GALNT17: variants seen among roughly 807,000 people sequenced by gnomAD.
GALNT17 encodes the protein polypeptide N-acetylgalactosaminyltransferase 17, also known as UDP-GalNAc:polypeptide N-acetylgalactosaminyltransferase-like 3.
In GALNT17, 29 loss-of-function variants were observed where a neutral mutation model predicts 63.7. That is an observed-to-expected ratio of 0.46 (90% CI 0.34 to 0.62). The LOEUF is 0.62. GALNT17 is among the 20% of genes least tolerant of loss of function. The pLI, the probability that GALNT17 is intolerant of heterozygous loss-of-function variation, is 0.01. For synonymous variants in GALNT17, 305 were observed against 318.3 expected (o/e 0.96, Z 0.45); for missense variants, 603 against 799.6 (o/e 0.75, Z 2.97).
intron 1 of GALNT17, among the ~76,000 whole-genome samples, chr7:71,220,747 C>T (rs1789568223): frequency 6.6e-6 from 1 of 152,026 alleles, no homozygotes; most frequent in Admixed American, 6.6e-5. Flanking sequence ...GGGGGAAGAC[C>T]ATGTGAAGAC....
chr7:71,557,767 G>T (rs1322967728), intron 5 of GALNT17, among the ~76,000 whole-genome samples: 3 of 151,758 alleles, frequency 2.0e-5, no homozygotes, highest in Admixed American at 6.6e-5. Context: ...CTCCAGCCTG[G>T]GTGACAGAAT....
intron 5 of GALNT17, among the ~76,000 whole-genome samples, chr7:71,437,572 C>G (rs984628265): frequency 1.3e-5 from 2 of 152,154 alleles, no homozygotes; most frequent in African/African-American, 4.8e-5. Context: ...CTGACTGCTG[C>G]CTTCCCACAG....
At chr7:71,522,327 C>G (rs563927265) in intron 5 of GALNT17, among the ~76,000 whole-genome samples, 6 of 152,242 alleles carry the variant, frequency 3.9e-5, no homozygotes, top group African/African-American at 1.4e-4. Flanking sequence ...TGTATTAGTT[C>G]ATTTTAATGC....
chr7:71,318,772 A>G (rs1365807665), intron 1 of GALNT17, among the ~76,000 whole-genome samples: 1 of 152,040 alleles, frequency 6.6e-6, no homozygotes, highest in Non-Finnish European at 1.5e-5. Context: ...CAACCTTAGG[A>G]CCTCTTAGGA....
chr7:71,558,308 T>C (rs1161127463), intron 5 of GALNT17, among the ~76,000 whole-genome samples: 1 of 152,114 alleles, frequency 6.6e-6, no homozygotes, highest in Non-Finnish European at 1.5e-5. Flanking sequence ...GTAACATTAA[T>C]GAGTCTAGGT....
At chr7:71,293,666 A>G (rs1791024285) in intron 1 of GALNT17, among the ~76,000 whole-genome samples, 1 of 152,118 alleles carries the variant, frequency 6.6e-6, no homozygotes, top group African/African-American at 2.4e-5. Context: ...TCTGAGGAGG[A>G]CTTAATCTCC....
intron 1 of GALNT17, among the ~76,000 whole-genome samples, chr7:71,211,820 C>T (rs2116393892): frequency 6.6e-6 from 1 of 152,250 alleles, no homozygotes; most frequent in East Asian, 1.9e-4. Context: ...GAACTTTGAA[C>T]TTGAGAAAGA....
chr7:71,388,304 CCT>C lies in GALNT17; in HGVS notation c.493_494del (p.Leu165ValfsTer27). On this transcript the variant is annotated frameshift_variant, in exon 3 of 11. Transcript: ENST00000333538. LOFTEE classifies it high-confidence loss of function. ...TCATATTCATCTTCGTGAACGAGGC[CCT>C]GTCGGTGATCCTGCGGTCCGTGCAC... ...SIIFIFVNEALSVILRSVHSA... is the reference protein window; with the variant it reads ...SIIFIFVNEAXSVILRSVHSA... The C allele has an allele frequency of 6.2e-7, 1 of 1,614,008 alleles. No homozygotes were observed. The highest frequency in any genetic ancestry group is 8.5e-7 in the Non-Finnish European group (1 of 1,180,010).
chr7:71,696,393 G>A (rs1791546650), intron 9 of GALNT17, among the ~76,000 whole-genome samples: 1 of 152,188 alleles, frequency 6.6e-6, no homozygotes, highest in Non-Finnish European at 1.5e-5. Context: ...GATTACAGGT[G>A]TGAGCCCCTG....
chr7:71,517,283 TTTC>T (rs1423830306), intron 5 of GALNT17, among the ~76,000 whole-genome samples: 2 of 152,176 alleles, frequency 1.3e-5, no homozygotes, highest in Non-Finnish European at 1.5e-5. Flanking sequence ...GCTCCAGTCC[TTTC>T]TTCTTCTTAC....
chr7:71,234,607 G>A (rs1300187831), intron 1 of GALNT17, among the ~76,000 whole-genome samples: 2 of 152,130 alleles, frequency 1.3e-5, no homozygotes, highest in African/African-American at 2.4e-5. Flanking sequence ...GGAGGGAAGG[G>A]GTAGGGTGAA....
intron 1 of GALNT17, among the ~76,000 whole-genome samples, chr7:71,246,792 G>A (rs562537598): frequency 1.3e-5 from 2 of 151,734 alleles, no homozygotes; most frequent in South Asian, 2.1e-4. Flanking sequence ...ACGCGCCACT[G>A]CATTCCAGCC....
rs779772231 is a variant in GALNT17 at position 71,484,962 on chromosome 7, C to CTT, written c.962+63882_962+63883dup. Reference sequence around the variant, plus strand: ...TACAGGCATGGGCCACCACACCTGGCTTTTTTTTTTTTTTTTTTTTTTTTT... The same window carrying CTT: ...TACAGGCATGGGCCACCACACCTGGCTTTTTTTTTTTTTTTTTTTTTTTTTTT... On this transcript the variant is annotated intron_variant, in intron 5 of 10. Coordinates refer to ENST00000333538, the MANE Select transcript of GALNT17 (RefSeq NM_022479.3). Among the ~76,000 whole-genome samples the CTT allele has an allele frequency of 3.4e-3, 162 of 47,582 alleles. 13 individuals are homozygous for CTT. The highest frequency in any genetic ancestry group is 7.4e-3 in the South Asian group (7 of 948). The allele number at this position is 47,582 out of a possible 152,430, so 31.2% of individuals were successfully genotyped here. A position where few individuals can be genotyped will look rare whatever the true frequency, so the allele number is the denominator to read the frequency against.
chr7:71,268,151 G>A (rs1255130814), intron 1 of GALNT17, among the ~76,000 whole-genome samples: 4 of 152,140 alleles, frequency 2.6e-5, no homozygotes. Context: ...TAATGGAGGA[G>A]AAAGTTGGAG....
chr7:71,621,200 C>T (rs10950272), intron 6 of GALNT17, among the ~76,000 whole-genome samples: 110,906 of 151,902 alleles, frequency 0.73, 41,526 homozygotes, highest in East Asian at 0.97. Context: ...AACGCACTTT[C>T]TTCTGAGCGC....
chr7:71,253,795 T>G (rs1790243367), intron 1 of GALNT17, among the ~76,000 whole-genome samples: 1 of 152,140 alleles, frequency 6.6e-6, no homozygotes, highest in Non-Finnish European at 1.5e-5. Flanking sequence ...CTCCCCAAAT[T>G]CTGATTCTAA....
At chr7:71,480,738 C>T (rs1438297969) in intron 5 of GALNT17, among the ~76,000 whole-genome samples, 10 of 152,164 alleles carry the variant, frequency 6.6e-5, no homozygotes, top group Admixed American at 6.5e-4. Flanking sequence ...AACTCCTGGC[C>T]TCAAGTGATC....
Position 71,571,416 on chromosome 7 carries a change from T to G in GALNT17, c.1080+14T>G. On this transcript the variant is annotated intron_variant, in intron 6 of 10. Transcript: ENST00000333538. Reference sequence around the variant, plus strand: ...CTGGGAATCAAGGTTTGTGACATGGTGTCCCTTCCTCTTGGTGTGCCCATG... The same window carrying G: ...CTGGGAATCAAGGTTTGTGACATGGGGTCCCTTCCTCTTGGTGTGCCCATG... The G allele has an allele frequency of 6.2e-7, 1 of 1,604,196 alleles. No individual in the cohort carries two copies. Among genetic ancestry groups the G allele is most frequent in the Non-Finnish European group, 8.5e-7 (1 of 1,171,148 alleles).
intron 6 of GALNT17, among the ~76,000 whole-genome samples, chr7:71,647,761 A>G (rs1790700909): frequency 6.6e-6 from 1 of 152,188 alleles, no homozygotes; most frequent in Non-Finnish European, 1.5e-5. Context: ...ACCCACTGAC[A>G]CCACCTGACA....
Sources: gnomAD v4.1 joint callset for allele counts (sites outside exome capture counted in the v4.1 genomes callset) on GRCh38, gnomAD v4.1.1 for gene constraint, MANE v1.5 for transcripts, NCBI Gene and HGNC (gene_info 2026-07-23, HGNC 2026-07-21) for gene names.